ZNF385D: variants seen among roughly 807,000 people sequenced by gnomAD.
ZNF385D encodes the protein zinc finger protein 659.
A neutral mutation model predicts 35.8 loss-of-function variants in ZNF385D; 15 were observed. That is an observed-to-expected ratio of 0.42 (90% CI 0.28 to 0.64). The LOEUF (loss-of-function observed/expected upper bound fraction) is 0.64, where lower values mean the gene tolerates loss of function less well. Among genes scored for constraint, ZNF385D ranks in the 30% least tolerant of loss-of-function variants. ZNF385D has a pLI of 0.23. For missense variants in ZNF385D, 474 were observed against 494.6 expected (o/e 0.96, Z 0.39); for synonymous variants, 212 against 186.8 (o/e 1.13, Z -1.10).
intron 2 of ZNF385D, among the ~76,000 whole-genome samples, chr3:22,354,829 G>A (rs1696075561): frequency 6.6e-6 from 1 of 151,996 alleles, no homozygotes; most frequent in Non-Finnish European, 1.5e-5. Context: ...ATATGGTGTT[G>A]CGGTTATTTA....
chr3:22,194,204 A>G (rs1051956885), intron 2 of ZNF385D, among the ~76,000 whole-genome samples: 1 of 151,814 alleles, frequency 6.6e-6, no homozygotes, highest in Non-Finnish European at 1.5e-5. Flanking sequence ...TTTTTTATTA[A>G]TTTTTAATTT....
intron 3 of ZNF385D, among the ~76,000 whole-genome samples, chr3:22,123,962 CTATA>C (rs71044974): frequency 0.036 from 2,203 of 61,506 alleles, 29 homozygotes; most frequent in Non-Finnish European, 0.038. Flanking sequence ...CTCTCTCTCT[CTATA>C]TATATATATA....
chr3:21,711,012 G>T (rs952268664), intron 1 of ZNF385D, among the ~76,000 whole-genome samples: 1 of 136,650 alleles, frequency 7.3e-6, no homozygotes, highest in Non-Finnish European at 1.6e-5. Context: ...AACCTCTCTA[G>T]GTCTTAATTT....
intron 3 of ZNF385D, among the ~76,000 whole-genome samples, chr3:21,542,345 CT>C (rs34925669): frequency 2.0e-4 from 29 of 142,964 alleles, no homozygotes; most frequent in Non-Finnish European, 2.7e-4. Flanking sequence ...TCTTCTCTTT[CT>C]TTTTTTTTTT....
chr3:22,027,509 C>T (rs1164063860), intron 3 of ZNF385D, among the ~76,000 whole-genome samples: 1 of 152,154 alleles, frequency 6.6e-6, no homozygotes, highest in Non-Finnish European at 1.5e-5. Flanking sequence ...CAAGGTCCTG[C>T]CATCTTCTGC....
intron 2 of ZNF385D, among the ~76,000 whole-genome samples, chr3:22,260,662 A>C (rs1470714894): frequency 6.6e-6 from 1 of 151,996 alleles, no homozygotes; most frequent in East Asian, 1.9e-4. Flanking sequence ...AAATGGACAT[A>C]AATCTGCCCA....
At position 21,961,030 on chromosome 3, in the gene ZNF385D, A is replaced by G. The variant is rs182911526; in HGVS notation, c.325+207787T>C. 3.1e-4 allele frequency among the ~76,000 whole-genome samples: 47 copies of G among 152,214 alleles called. No homozygotes were observed. In the East Asian group the frequency reaches 8.9e-3, roughly 29 times the overall value. ...GCTATAGGTTGATATGGTTAACTATAATTTATTGTACATTTTGAAACAGCT... is the reference window on the plus strand; with the variant it reads ...GCTATAGGTTGATATGGTTAACTATGATTTATTGTACATTTTGAAACAGCT... On this transcript the variant is annotated intron_variant, in intron 3 of 5. Transcript: ENST00000494108.
intron 3 of ZNF385D, among the ~76,000 whole-genome samples, chr3:21,776,396 T>G (rs1378409072): frequency 6.6e-6 from 1 of 151,986 alleles, no homozygotes; most frequent in African/African-American, 2.4e-5. Context: ...GAGCGCCGTG[T>G]GTGACGGCTC....
chr3:22,110,092 C>G (rs1165360876), intron 3 of ZNF385D, among the ~76,000 whole-genome samples: 3 of 151,986 alleles, frequency 2.0e-5, no homozygotes, highest in Non-Finnish European at 4.4e-5. Flanking sequence ...AATGAGATAT[C>G]ATCTCACACC....
At chr3:21,794,579 T>C (rs1246437312) in intron 3 of ZNF385D, among the ~76,000 whole-genome samples, 3 of 152,160 alleles carry the variant, frequency 2.0e-5, no homozygotes, top group East Asian at 3.9e-4. Flanking sequence ...TCCTGGTTCA[T>C]AGACAATGCC....
chr3:21,995,005 G>T (rs983972406), intron 3 of ZNF385D, among the ~76,000 whole-genome samples: 1 of 152,238 alleles, frequency 6.6e-6, no homozygotes, highest in African/African-American at 2.4e-5. Flanking sequence ...GTCCAGGTAG[G>T]CCAATCCTCT....
intron 1 of ZNF385D, among the ~76,000 whole-genome samples, chr3:21,674,997 C>G (rs981624324): frequency 6.6e-6 from 1 of 151,996 alleles, no homozygotes; most frequent in Non-Finnish European, 1.5e-5. Flanking sequence ...TGAATCATCA[C>G]AGCCTGCTGA....
chr3:21,968,712 A>T (rs1235395340), intron 3 of ZNF385D, among the ~76,000 whole-genome samples: 1 of 152,188 alleles, frequency 6.6e-6, no homozygotes, highest in Non-Finnish European at 1.5e-5. Context: ...ATAATCAGCA[A>T]TGGTAGCCAG....
chr3:22,018,675 T>C (rs1697030336), intron 3 of ZNF385D, among the ~76,000 whole-genome samples: 1 of 152,006 alleles, frequency 6.6e-6, no homozygotes, highest in Admixed American at 6.6e-5. Flanking sequence ...CTCCTCTTTG[T>C]TATGTTGACC....
At chr3:22,068,507 A>C (rs1236884731) in intron 3 of ZNF385D, among the ~76,000 whole-genome samples, 1 of 151,942 alleles carries the variant, frequency 6.6e-6, no homozygotes, top group Non-Finnish European at 1.5e-5. Flanking sequence ...CTACTAATTC[A>C]CTTTACCAAT....
At chr3:21,829,305 G>A (rs1369726839) in intron 3 of ZNF385D, among the ~76,000 whole-genome samples, 3 of 152,150 alleles carry the variant, frequency 2.0e-5, no homozygotes, top group East Asian at 3.9e-4. Context: ...AAGTCTCTGA[G>A]ATATGAGACT....
intron 3 of ZNF385D, among the ~76,000 whole-genome samples, chr3:21,819,518 A>T (rs1008702618): frequency 2.7e-5 from 4 of 150,668 alleles, no homozygotes; most frequent in African/African-American, 9.7e-5. Flanking sequence ...TAGTATGGCT[A>T]AAAATGTTCT....
At chr3:21,994,185 G>T (rs766689940) in intron 3 of ZNF385D, among the ~76,000 whole-genome samples, 7 of 152,110 alleles carry the variant, frequency 4.6e-5, no homozygotes, top group Non-Finnish European at 7.3e-5. Flanking sequence ...CTGGACATCT[G>T]GTAGGCTTTG....
chr3:22,172,740 C>T (rs760819682), intron 2 of ZNF385D, among the ~76,000 whole-genome samples: 25 of 152,086 alleles, frequency 1.6e-4, no homozygotes, highest in Non-Finnish European at 3.2e-4. Context: ...TGGATTAATA[C>T]CTAAAGTATA....
Sources: allele counts gnomAD v4.1 joint callset (sites outside exome capture counted in the v4.1 genomes callset), GRCh38; gene constraint gnomAD v4.1.1; transcripts MANE v1.5; gene names NCBI Gene and HGNC (gene_info 2026-07-23, HGNC 2026-07-21).